Variants in PDE4B observed in about 807,000 individuals in gnomAD.
PDE4B encodes the protein phosphodiesterase 4B, also known as 3',5'-cyclic-AMP phosphodiesterase 4B.
PDE4B carries 20 observed loss-of-function variants against 82.2 expected under a neutral mutation model. That is an observed-to-expected ratio of 0.24 (90% CI 0.17 to 0.35). PDE4B has a LOEUF of 0.35. PDE4B is among the 10% of genes least tolerant of loss of function. The pLI, the probability that PDE4B is intolerant of heterozygous loss-of-function variation, is 1.00. For synonymous variants in PDE4B, 320 were observed against 318.9 expected, an observed-to-expected ratio of 1.00 and a Z score of -0.04; for missense variants, 655 against 907.2, an observed-to-expected ratio of 0.72 and a Z score of 3.57.
chr1:66,017,832 T>TA (rs59104583), intron 3 of PDE4B, among the ~76,000 whole-genome samples: 15,773 of 145,780 alleles, frequency 0.11, 944 homozygotes, highest in Admixed American at 0.19. Flanking sequence ...GTGAGATTTT[T>TA]AAAAAATATA....
intron 7 of PDE4B, among the ~76,000 whole-genome samples, chr1:66,300,669 A>G (rs1657823795): frequency 6.6e-6 from 1 of 152,182 alleles, no homozygotes; most frequent in South Asian, 2.1e-4. Context: ...AGCTGTGACT[A>G]CAAAGATGAA....
intron 3 of PDE4B, among the ~76,000 whole-genome samples, chr1:66,209,297 G>A (rs932344750): frequency 2.6e-5 from 4 of 152,144 alleles, no homozygotes; most frequent in Admixed American, 2.0e-4. Flanking sequence ...CTACATGCTT[G>A]GAAGTTTCAT....
chr1:65,947,441 C>T (rs1475524306), intron 3 of PDE4B, among the ~76,000 whole-genome samples: 1 of 151,884 alleles, frequency 6.6e-6, no homozygotes, highest in African/African-American at 2.4e-5. Flanking sequence ...TGGAGGGTGG[C>T]ACTAATTTTT....
intron 3 of PDE4B, among the ~76,000 whole-genome samples, chr1:65,974,055 T>A (rs1193493811): frequency 6.6e-6 from 1 of 151,944 alleles, no homozygotes; most frequent in Non-Finnish European, 1.5e-5. Context: ...TCAGGTGGTC[T>A]GCCTGCCTCA....
At chr1:66,158,611 A>G (rs1646548167) in intron 3 of PDE4B, among the ~76,000 whole-genome samples, 1 of 152,238 alleles carries the variant, frequency 6.6e-6, no homozygotes, top group Non-Finnish European at 1.5e-5. Flanking sequence ...TTCAAAGAAA[A>G]TCAGTATGTC....
chr1:66,365,601 A>G (rs749434502), intron 12 of PDE4B, 66 bp from the exon 13 acceptor site: 1 of 863,552 alleles, frequency 1.2e-6, no homozygotes, highest in Non-Finnish European at 1.9e-6. Flanking sequence ...ATACTTTACA[A>G]ATGAAACTGA....
intron 7 of PDE4B, among the ~76,000 whole-genome samples, chr1:66,314,852 C>T (rs2101876351): frequency 6.6e-6 from 1 of 152,372 alleles, no homozygotes; most frequent in African/African-American, 2.4e-5. Context: ...TTTTCACAAA[C>T]ACTTATGAAG....
At chr1:66,206,785 G>A (rs1451714194) in intron 3 of PDE4B, among the ~76,000 whole-genome samples, 1 of 152,172 alleles carries the variant, frequency 6.6e-6, no homozygotes, top group African/African-American at 2.4e-5. Flanking sequence ...ACATCATTAT[G>A]TGTGGAAGTT....
intron 1 of PDE4B, 122 bp from the exon 2 acceptor site, chr1:65,913,123 T>G (rs976698588): frequency 2.2e-6 from 1 of 456,144 alleles, no homozygotes; most frequent in Non-Finnish European, 3.9e-6. Flanking sequence ...GCTTGGGAAA[T>G]TATGATGTTT....
chr1:66,158,279 G>A (rs1646540523), intron 3 of PDE4B, among the ~76,000 whole-genome samples: 1 of 152,168 alleles, frequency 6.6e-6, no homozygotes, highest in African/African-American at 2.4e-5. Flanking sequence ...ATAACCTATA[G>A]GATGAGAAAA....
intron 3 of PDE4B, among the ~76,000 whole-genome samples, chr1:66,036,850 C>G (rs2100814710): frequency 6.6e-6 from 1 of 151,944 alleles, no homozygotes; most frequent in South Asian, 2.1e-4. Flanking sequence ...ATTGTTTTTT[C>G]TGGGCCAAGT....
intron 3 of PDE4B, among the ~76,000 whole-genome samples, chr1:65,920,003 T>C (rs753559701): frequency 5.9e-5 from 9 of 152,240 alleles, no homozygotes; most frequent in Non-Finnish European, 1.2e-4. Flanking sequence ...TTACATCTTC[T>C]GTTCAGCTGA....
intron 3 of PDE4B, among the ~76,000 whole-genome samples, chr1:66,024,370 A>G (rs1467836932): frequency 1.3e-5 from 2 of 152,104 alleles, no homozygotes; most frequent in African/African-American, 4.8e-5. Flanking sequence ...TAGCCATCCA[A>G]CTTGCATCAC....
intron 3 of PDE4B, among the ~76,000 whole-genome samples, chr1:66,142,076 A>G (rs1646184209): frequency 1.3e-5 from 2 of 152,196 alleles, no homozygotes; most frequent in African/African-American, 4.8e-5. Flanking sequence ...AAATGTTATT[A>G]AGAAAATCAC....
chr1:66,174,762 C>A (rs1268823746), intron 3 of PDE4B, among the ~76,000 whole-genome samples: 2 of 116,966 alleles, frequency 1.7e-5, no homozygotes, highest in Admixed American at 1.8e-4. Flanking sequence ...AAAGCAACAA[C>A]AACAACAACA....
chr1:65,887,412 C>CTTTTTTTTTTTTTTTTTTTTTTTTTTTTT (rs1285765740), intron 1 of PDE4B, among the ~76,000 whole-genome samples: 1 of 6,922 alleles, frequency 1.4e-4, no homozygotes, highest in Non-Finnish European at 2.3e-4. Context: ...TCTTTTTCTT[C>CTTTTTTTTTTTTTTTTTTTTTTTTTTTTT]TGTTTTTTTT....
intron 3 of PDE4B, among the ~76,000 whole-genome samples, chr1:66,009,363 C>T (rs936054611): frequency 6.6e-6 from 1 of 152,188 alleles, no homozygotes; most frequent in African/African-American, 2.4e-5. Context: ...TAACATCTTA[C>T]TGGATCTCCC....
chr1:65,804,612 G>A lies in PDE4B; in HGVS notation c.-71+11364G>A, dbSNP rs373690060. On this transcript the variant is annotated intron_variant, in intron 1 of 16. Transcript: ENST00000341517. ...AGTAGGGAATTCTTAAGAGAAGATAGGGGAGAAATGAAGAGGGGAATAGGG... is the reference window on the plus strand; with the variant it reads ...AGTAGGGAATTCTTAAGAGAAGATAAGGGAGAAATGAAGAGGGGAATAGGG... 8.5e-5 allele frequency among the ~76,000 whole-genome samples: 13 copies of A among 152,218 alleles called. No individual in the cohort carries two copies. The South Asian group carries it at 2.7e-3, about 32-fold the overall frequency.
chr1:65,916,071 T>TATGAATTACA (rs549232316), intron 2 of PDE4B, among the ~76,000 whole-genome samples: 67 of 152,344 alleles, frequency 4.4e-4, no homozygotes, highest in African/African-American at 1.6e-3. Context: ...AAATTATGGG[T>TATGAATTACA]ATGAATTACA....
Sources: allele counts gnomAD v4.1 joint callset (sites outside exome capture counted in the v4.1 genomes callset), GRCh38; gene constraint gnomAD v4.1.1; transcripts MANE v1.5; gene names NCBI Gene and HGNC (gene_info 2026-07-23, HGNC 2026-07-21).